The following KSR2 variants were observed in gnomAD, a reference collection of about 807,000 sequenced individuals.
KSR2 encodes kinase suppressor of ras 2.
Under a neutral mutation model 107.8 loss-of-function variants are expected in KSR2, and 25 were observed. That is an observed-to-expected ratio of 0.23 (90% CI 0.17 to 0.32). The LOEUF (loss-of-function observed/expected upper bound fraction) is 0.32. Among genes scored for constraint, KSR2 ranks in the 10% least tolerant of loss-of-function variants. The pLI, the probability that KSR2 is intolerant of heterozygous loss-of-function variation, is 1.00. For synonymous variants in KSR2, 480 were observed against 507.0 expected, an observed-to-expected ratio of 0.95 and a Z score of 0.71; for missense variants, 887 against 1,268.9, an observed-to-expected ratio of 0.70 and a Z score of 4.57.
intron 5 of KSR2, among the ~76,000 whole-genome samples, chr12:117,600,701 C>T (rs1880891393): frequency 6.6e-6 from 1 of 152,190 alleles, no homozygotes. Flanking sequence ...TCTCTAAAGG[C>T]TGAAAGGTGT....
At chr12:117,687,176 T>G (rs1048609413) in intron 4 of KSR2, among the ~76,000 whole-genome samples, 87 of 152,338 alleles carry the variant, frequency 5.7e-4, no homozygotes, top group African/African-American at 2.0e-3. Context: ...TCAGGTCTTC[T>G]TATTTATACA....
At chr12:117,723,999 A>G (rs1887313198) in intron 4 of KSR2, among the ~76,000 whole-genome samples, 1 of 152,144 alleles carries the variant, frequency 6.6e-6, no homozygotes, top group South Asian at 2.1e-4. Context: ...TATGTTTTAA[A>G]GATAGGGTTA....
In KSR2 at chr12:117,761,482, G is replaced by GTCTCTC. The variant is rs752724119; in HGVS notation, c.514_515insGAGAGA (p.Pro171_Thr172insArgGlu). ...ATTGTTCTCCTTCCCCGTCTCTGTCGTGGGCCACTGGATGGTCCAGTCTTG... is the reference window on the plus strand; with the variant it reads ...ATTGTTCTCCTTCCCCGTCTCTGTCGTCTCTCTGGGCCACTGGATGGTCCAGTCTTG... On this transcript the variant is annotated inframe_insertion, in exon 4 of 20. Coordinates refer to ENST00000339824, the MANE Select transcript of KSR2 (RefSeq NM_173598.6). 5.7e-5 allele frequency: 92 copies of GTCTCTC among 1,613,542 alleles called. No individual in the cohort carries two copies. Among genetic ancestry groups the GTCTCTC allele is most frequent in the Non-Finnish European group, 7.4e-5 (87 of 1,179,788 alleles).
At chr12:117,629,786 GTGTAAGTC>G (rs1882721346) in intron 5 of KSR2, among the ~76,000 whole-genome samples, 1 of 152,220 alleles carries the variant, frequency 6.6e-6, no homozygotes, top group South Asian at 2.1e-4. Context: ...AAGAACCAAT[GTGTAAGTC>G]TGTGGAAGTA....
intron 1 of KSR2, among the ~76,000 whole-genome samples, chr12:117,918,874 G>A (rs1895261726): frequency 6.6e-6 from 1 of 152,174 alleles, no homozygotes; most frequent in African/African-American, 2.4e-5. Context: ...GGAGACCAAG[G>A]TGGGAGGATT....
intron 1 of KSR2, among the ~76,000 whole-genome samples, chr12:117,960,705 G>A (rs1170096063): frequency 1.3e-5 from 2 of 152,104 alleles, no homozygotes; most frequent in Non-Finnish European, 2.9e-5. Context: ...TAAGTTTTGA[G>A]GTAGGTTGTT....
Position 117,739,309 on chromosome 12 carries a change from C to T in KSR2, c.986+21702G>A, listed in dbSNP as rs184594049. On this transcript the variant is annotated intron_variant, in intron 4 of 19. Coordinates refer to ENST00000339824, the MANE Select transcript of KSR2 (RefSeq NM_173598.6). ...GGAGGAGCTTGCAGTGAGCCGAGAG[C>T]GCGCCACTGCACTCCAGCCTGGGCG... Among the ~76,000 whole-genome samples, 142 of 151,138 alleles carry T rather than the reference C, an allele frequency of 9.4e-4. 3 individuals carry two copies. The East Asian group carries it at 0.026, about 27-fold the overall frequency.
chr12:117,527,643 C>T (rs1875296274), intron 12 of KSR2, among the ~76,000 whole-genome samples: 1 of 152,100 alleles, frequency 6.6e-6, no homozygotes, highest in Non-Finnish European at 1.5e-5. Context: ...GATGTGTGTG[C>T]CAGGAACAGT....
At chr12:117,558,455 A>C in intron 8 of KSR2, 51 bp downstream of exon 8, 1 of 1,469,212 alleles carries the variant, frequency 6.8e-7, no homozygotes, top group South Asian at 1.1e-5. Context: ...GGGGACCTGC[A>C]GGAGCCCCAC....
At chr12:117,577,861 A>G (rs1879383673) in intron 7 of KSR2, among the ~76,000 whole-genome samples, 1 of 152,216 alleles carries the variant, frequency 6.6e-6, no homozygotes, top group South Asian at 2.1e-4. Flanking sequence ...CAGCCAGACC[A>G]TATCAATTAT....
At chr12:117,497,397 C>A (rs1873095650) in intron 14 of KSR2, among the ~76,000 whole-genome samples, 1 of 152,160 alleles carries the variant, frequency 6.6e-6, no homozygotes, top group Admixed American at 6.5e-5. Context: ...GGGCCCCCTT[C>A]CCACTACATT....
chr12:117,696,742 A>G (rs1886076070), intron 4 of KSR2, among the ~76,000 whole-genome samples: 1 of 152,184 alleles, frequency 6.6e-6, no homozygotes, highest in South Asian at 2.1e-4. Flanking sequence ...CAGGCATCCA[A>G]GGACTTCTGT....
At position 117,655,847 on chromosome 12, in the gene KSR2, G is replaced by A. The variant is rs368661329; in HGVS notation, c.1171+11627C>T. Among the ~76,000 whole-genome samples, 22 of 152,322 alleles carry A rather than the reference G, an allele frequency of 1.4e-4. No homozygotes were observed. In the East Asian group the frequency reaches 2.5e-3, roughly 17 times the overall value. On this transcript the variant is annotated intron_variant, in intron 5 of 19. Coordinates refer to ENST00000339824, the MANE Select transcript of KSR2 (RefSeq NM_173598.6). ...CCACAATGGAGGTAAGGAAGAGTAC[G>A]CATGGAATACAGGAGATCCATTAGG...
chr12:117,639,656 TTA>T (rs1491512477), intron 5 of KSR2, among the ~76,000 whole-genome samples: 118 of 121,540 alleles, frequency 9.7e-4, no homozygotes, highest in Middle Eastern at 4.5e-3. Flanking sequence ...ATTATTATTA[TTA>T]TATTATTTTA....
chr12:117,576,156 A>T (rs757525406), intron 7 of KSR2, among the ~76,000 whole-genome samples: 1 of 152,222 alleles, frequency 6.6e-6, no homozygotes, highest in Non-Finnish European at 1.5e-5. Context: ...CTGAAAATTA[A>T]AACGGCTTGG....
At position 117,968,579 on chromosome 12, in the gene KSR2, GGGAGGAGGAGGAGGAGGAAAAAGAAGA is replaced by G. The variant is rs1048744616; in HGVS notation, c.-351_-325del. On this transcript the variant is annotated 5_prime_UTR_variant, in exon 1 of 20. Transcript: ENST00000339824. ...TGATGTGATGCTGTCTGTACACTTA[GGGAGGAGGAGGAGGAGGAAAAAGAAGA>G]GGAGAAGGAGGAGAGAGAGGAGGAG... is the stretch of plus-strand genomic sequence containing the variant. The G allele has an allele frequency of 1.4e-6, 1 of 732,688 alleles. No individual in the cohort carries two copies. The highest frequency in any genetic ancestry group is 1.8e-5 in the African/African-American group (1 of 54,306). The allele number at this position is 732,688 out of a possible 1,614,324, so 45.4% of individuals were successfully genotyped here.
intron 1 of KSR2, among the ~76,000 whole-genome samples, chr12:117,953,300 G>A (rs952944877): frequency 2.6e-5 from 4 of 152,098 alleles, no homozygotes; most frequent in Non-Finnish European, 5.9e-5. Flanking sequence ...TAGCATTACC[G>A]TATAACCCAG....
intron 4 of KSR2, among the ~76,000 whole-genome samples, chr12:117,735,527 G>T (rs535955215): frequency 1.3e-5 from 2 of 152,198 alleles, no homozygotes; most frequent in East Asian, 3.9e-4. Flanking sequence ...TGTTCCTAGG[G>T]ACCTCATCCC....
intron 1 of KSR2, among the ~76,000 whole-genome samples, chr12:117,911,292 C>T (rs10774971): frequency 0.5 from 75,750 of 151,856 alleles, 21,373 homozygotes; most frequent in East Asian, 0.89. Flanking sequence ...GACATGATGT[C>T]TGCCACATCC....
Sources: allele counts gnomAD v4.1 joint callset (sites outside exome capture counted in the v4.1 genomes callset), GRCh38; gene constraint gnomAD v4.1.1; transcripts MANE v1.5; gene names NCBI Gene and HGNC (gene_info 2026-07-23, HGNC 2026-07-21).